The following BTRC variants were observed in gnomAD, a reference collection of about 807,000 sequenced individuals.
The protein encoded by BTRC is beta-transducin repeat containing E3 ubiquitin protein ligase.
Under a neutral mutation model 85.5 loss-of-function variants are expected in BTRC, and 42 were observed. The observed-to-expected ratio is 0.49, with a 90% CI of 0.38 to 0.64. BTRC has a LOEUF of 0.64. Ranked by LOEUF, BTRC falls within the 30% of genes least tolerant of loss-of-function variation. BTRC has a pLI of 0.00. For missense variants in BTRC, 594 were observed against 743.5 expected, an observed-to-expected ratio of 0.80 and a Z score of 2.34; for synonymous variants, 255 against 263.3, an observed-to-expected ratio of 0.97 and a Z score of 0.30.
chr10:101,371,429 G>A (rs981541699), intron 1 of BTRC, among the ~76,000 whole-genome samples: 6 of 152,174 alleles, frequency 3.9e-5, no homozygotes, highest in African/African-American at 7.2e-5. Context: ...CGCCCGCCTC[G>A]GCCTCCCAAA....
At chr10:101,526,478 G>A (rs1334405270) in intron 6 of BTRC, among the ~76,000 whole-genome samples, 5 of 152,214 alleles carry the variant, frequency 3.3e-5, no homozygotes, top group African/African-American at 1.2e-4. Context: ...TGTTATCTGG[G>A]CAGAAGTTGG....
Position 101,476,787 on chromosome 10 carries a change from A to C in BTRC, c.235-2581A>C, listed in dbSNP as rs1945700667. On this transcript the variant is annotated intron_variant, in intron 3 of 14. Coordinates refer to ENST00000370187, the MANE Select transcript of BTRC (RefSeq NM_033637.4). ...GTTCTATAAATCTAAAATTATCTCAAAATGTTAAAAAATTGAATTCTTTGT... is the reference window on the plus strand; with the variant it reads ...GTTCTATAAATCTAAAATTATCTCACAATGTTAAAAAATTGAATTCTTTGT... 2.6e-5 allele frequency among the ~76,000 whole-genome samples: 4 copies of C among 152,116 alleles called. No individual in the cohort carries two copies. The South Asian group carries it at 6.2e-4, about 24-fold the overall frequency.
At chr10:101,518,177 G>T (rs1055934431) in intron 4 of BTRC, among the ~76,000 whole-genome samples, 2 of 152,094 alleles carry the variant, frequency 1.3e-5, no homozygotes, top group African/African-American at 4.8e-5. Context: ...CTCCCAAAGT[G>T]CTGGGATTAC....
chr10:101,377,877 T>A (rs1942829415), intron 1 of BTRC, among the ~76,000 whole-genome samples: 1 of 152,128 alleles, frequency 6.6e-6, no homozygotes, highest in African/African-American at 2.4e-5. Context: ...TCAGAGCATT[T>A]TTTTTTTTTC....
chr10:101,400,120 G>A (rs1056807365), intron 1 of BTRC, among the ~76,000 whole-genome samples: 6 of 152,112 alleles, frequency 3.9e-5, no homozygotes, highest in African/African-American at 1.4e-4. Context: ...TACTTACCAG[G>A]GAACATGACA....
chr10:101,454,274 G>A (rs907562546), intron 2 of BTRC, among the ~76,000 whole-genome samples: 1 of 152,184 alleles, frequency 6.6e-6, no homozygotes, highest in Non-Finnish European at 1.5e-5. Context: ...CTGGTTAGTC[G>A]AAAGTAACAG....
intron 5 of BTRC, among the ~76,000 whole-genome samples, chr10:101,522,818 G>T (rs1253457396): frequency 6.6e-6 from 1 of 152,012 alleles, no homozygotes; most frequent in Non-Finnish European, 1.5e-5. Flanking sequence ...GGTGTTACCT[G>T]GTGTAAGATG....
intron 2 of BTRC, among the ~76,000 whole-genome samples, chr10:101,432,962 C>G (rs1944439543): frequency 6.6e-6 from 1 of 152,140 alleles, no homozygotes; most frequent in East Asian, 1.9e-4. Context: ...CTTCTAGTCT[C>G]TTATTTCCTC....
At chr10:101,519,620 T>G in intron 4 of BTRC, among the ~76,000 whole-genome samples, 1 of 152,188 alleles carries the variant, frequency 6.6e-6, no homozygotes. Flanking sequence ...TCAGCTGATT[T>G]GGATCCCTCT....
At chr10:101,548,115 A>T (rs1307354421) in intron 13 of BTRC, among the ~76,000 whole-genome samples, 2 of 152,240 alleles carry the variant, frequency 1.3e-5, no homozygotes, top group African/African-American at 4.8e-5. Context: ...GATGTGGAGT[A>T]ACAAACTCTG....
rs529651672 is a variant in BTRC at position 101,428,735 on chromosome 10, C to A, written c.49-1610C>A. On this transcript the variant is annotated intron_variant, in intron 1 of 14. Transcript: ENST00000370187. ...TATAAAATGAGGATAATGTATTAAG[C>A]GTAGTCCTATGGGTGGTAAATAAAA... Among the ~76,000 whole-genome samples the A allele has an allele frequency of 2.6e-5, 4 of 152,240 alleles. No individual in the cohort carries two copies. The South Asian group carries it at 6.2e-4, about 24-fold the overall frequency.
chr10:101,443,942 C>G (rs1230756490), intron 2 of BTRC, among the ~76,000 whole-genome samples: 1 of 152,184 alleles, frequency 6.6e-6, no homozygotes, highest in Admixed American at 6.5e-5. Flanking sequence ...AACCTATCCT[C>G]AAGGAGCTTA....
chr10:101,374,865 T>C (rs531521175), intron 1 of BTRC, among the ~76,000 whole-genome samples: 3 of 152,238 alleles, frequency 2.0e-5, no homozygotes, highest in African/African-American at 4.8e-5. Flanking sequence ...CCAGCTGTAC[T>C]CAAATTGTTA....
chr10:101,444,626 A>C (rs1564776709), intron 2 of BTRC, among the ~76,000 whole-genome samples: 1 of 152,162 alleles, frequency 6.6e-6, no homozygotes, highest in Non-Finnish European at 1.5e-5. Context: ...GATTACACAA[A>C]ATACACTGCA....
chr10:101,547,514 T>C (rs776644344), intron 13 of BTRC, among the ~76,000 whole-genome samples: 3 of 151,744 alleles, frequency 2.0e-5, no homozygotes, highest in Admixed American at 6.6e-5. Flanking sequence ...CTGATCTTTG[T>C]ATTTTTAGTA....
chr10:101,354,257 G>A, intron 1 of BTRC, 29 bp downstream of exon 1: 1 of 1,547,954 alleles, frequency 6.5e-7, no homozygotes. Flanking sequence ...CCGGGGAACG[G>A]TGGAGGCGCT....
chr10:101,504,721 CTCTT>C (rs1341648088), intron 4 of BTRC, among the ~76,000 whole-genome samples: 1 of 151,686 alleles, frequency 6.6e-6, no homozygotes. Flanking sequence ...CCCTTTGACT[CTCTT>C]TCTTTTCTCC....
At position 101,387,173 on chromosome 10, in the gene BTRC, T is replaced by G. The variant is rs184960096; in HGVS notation, c.48+32945T>G. On this transcript the variant is annotated intron_variant, in intron 1 of 14. Transcript: ENST00000370187. ...CTATCTTATTCATATAGCTTTTTTT[T>G]GGGCAAATCTTTTCTATTTTAAAAA... 4.5e-3 allele frequency among the ~76,000 whole-genome samples: 682 copies of G among 152,124 alleles called. 5 individuals are homozygous for G. The highest frequency in any genetic ancestry group is 0.016 in the African/African-American group (647 of 41,526).
chr10:101,493,853 A>G (rs1204858380), intron 4 of BTRC, among the ~76,000 whole-genome samples: 2 of 152,218 alleles, frequency 1.3e-5, no homozygotes, highest in African/African-American at 4.8e-5. Flanking sequence ...GATTGTGTGT[A>G]ATAAAACTGT....
Sources: gnomAD v4.1 joint callset for allele counts (sites outside exome capture counted in the v4.1 genomes callset) on GRCh38, gnomAD v4.1.1 for gene constraint, MANE v1.5 for transcripts, NCBI Gene and HGNC (gene_info 2026-07-23, HGNC 2026-07-21) for gene names.